PCDH7: variants seen among roughly 807,000 people sequenced by gnomAD.
PCDH7 encodes protocadherin-7.
A neutral mutation model predicts 58.9 loss-of-function variants in PCDH7; 17 were observed. That is an observed-to-expected ratio of 0.29 (90% CI 0.20 to 0.43). PCDH7 has a LOEUF of 0.43. PCDH7 is among the 20% of genes least tolerant of loss of function. The probability of loss-of-function intolerance (pLI) is 1.00; values close to 1 mark genes in which losing one functional copy is unlikely to be tolerated. For missense variants in PCDH7, 1,274 were observed against 1,441.0 expected (o/e 0.88, Z 1.88); for synonymous variants, 664 against 616.4 (o/e 1.08, Z -1.14).
rs576316643 is a variant in PCDH7 at position 31,013,710 on chromosome 4, G to A, written c.*7+63495G>A. Among the ~76,000 whole-genome samples the A allele has an allele frequency of 1.6e-4, 24 of 152,050 alleles. No individual in the cohort carries two copies. The East Asian group carries it at 4.6e-3, about 29-fold the overall frequency. On this transcript the variant is annotated intron_variant, in intron 3 of 3. Transcript: ENST00000509759. ...GACTTATTTTTCACATAAATGTTAT[G>A]TGTTTACTGTATATTTTACAATTGT...
intron 1 of PCDH7, among the ~76,000 whole-genome samples, chr4:30,802,868 G>T (rs1015750897): frequency 6.6e-6 from 1 of 152,126 alleles, no homozygotes; most frequent in Non-Finnish European, 1.5e-5. Context: ...GAGTCAATCA[G>T]CATGGTTATT....
At chr4:30,781,554 G>A (rs1050995913) in intron 1 of PCDH7, among the ~76,000 whole-genome samples, 13 of 99,288 alleles carry the variant, frequency 1.3e-4, no homozygotes, top group Non-Finnish European at 2.3e-4. Context: ...TTTTTTTTTT[G>A]AGACGAAGTT....
In PCDH7 at chr4:31,092,317, C is replaced by T. The variant is rs374036411; in HGVS notation, c.*8-50156C>T. ...ATTCAAAGAACCTGCTAGGGATAGA[C>T]GTTGGGGAAGGAAAAACTGAGGAAT... On this transcript the variant is annotated intron_variant, in intron 3 of 3. Transcript: ENST00000509759. 2.6e-5 allele frequency among the ~76,000 whole-genome samples: 4 copies of T among 151,914 alleles called. No homozygotes were observed. The East Asian group carries it at 5.8e-4, about 22-fold the overall frequency.
At chr4:30,958,440 A>G (rs772127060) in intron 3 of PCDH7, among the ~76,000 whole-genome samples, 22 of 152,020 alleles carry the variant, frequency 1.4e-4, no homozygotes, top group Non-Finnish European at 2.9e-4. Flanking sequence ...AGCAAAAGAA[A>G]TACACCCTTA....
chr4:31,068,348 A>C (rs762676815), intron 3 of PCDH7, among the ~76,000 whole-genome samples: 1 of 151,998 alleles, frequency 6.6e-6, no homozygotes, highest in African/African-American at 2.4e-5. Flanking sequence ...AAATAGAAAA[A>C]AAATCCATCG....
At position 30,873,851 on chromosome 4, in the gene PCDH7, ATTTG is replaced by A. The variant is rs1344520944; in HGVS notation, c.71-46298_71-46295del. Reference sequence around the variant, plus strand: ...GGCTTTTATTTATTTTTATTTATTTATTTGTTTATTTATTTATAATTTAAGGACT... The same window carrying A: ...GGCTTTTATTTATTTTTATTTATTTATTTATTTATTTATAATTTAAGGACT... On this transcript the variant is annotated intron_variant, in intron 1 of 3. Coordinates refer to the PCDH7 transcript ENST00000509759. 2.0e-4 allele frequency among the ~76,000 whole-genome samples: 30 copies of A among 151,852 alleles called. No individual in the cohort carries two copies. The East Asian group carries it at 4.7e-3, about 24-fold the overall frequency.
chr4:31,042,821 T>C (rs1755991477), intron 3 of PCDH7, among the ~76,000 whole-genome samples: 1 of 152,156 alleles, frequency 6.6e-6, no homozygotes, highest in African/African-American at 2.4e-5. Flanking sequence ...TTTGTTCCTT[T>C]AACAGAATAC....
At chr4:30,896,888 G>GTTTTTTTTTT (rs1411830166) in intron 1 of PCDH7, among the ~76,000 whole-genome samples, 2 of 17,368 alleles carry the variant, frequency 1.2e-4, no homozygotes, top group Admixed American at 6.0e-4. Flanking sequence ...CTAGTTCTTT[G>GTTTTTTTTTT]CTTTTTTTTT....
At chr4:31,115,899 T>C (rs1375854266) in intron 3 of PCDH7, among the ~76,000 whole-genome samples, 4 of 152,192 alleles carry the variant, frequency 2.6e-5, no homozygotes, top group Non-Finnish European at 5.9e-5. Context: ...AAAACCTCCA[T>C]TGTATCCAGA....
intron 3 of PCDH7, among the ~76,000 whole-genome samples, chr4:31,113,791 T>G (rs1349968095): frequency 1.3e-5 from 2 of 151,868 alleles, no homozygotes; most frequent in African/African-American, 2.4e-5. Flanking sequence ...TGTTAACATT[T>G]AATTTAGTTA....
At chr4:30,798,126 C>T (rs2109304094) in intron 1 of PCDH7, among the ~76,000 whole-genome samples, 1 of 152,274 alleles carries the variant, frequency 6.6e-6, no homozygotes, top group Non-Finnish European at 1.5e-5. Flanking sequence ...CAGGCAGCAT[C>T]ATATAAAATG....
intron 1 of PCDH7, among the ~76,000 whole-genome samples, chr4:30,865,334 A>G (rs1484841246): frequency 6.6e-6 from 1 of 152,048 alleles, no homozygotes; most frequent in African/African-American, 2.4e-5. Flanking sequence ...AGTGATCGAT[A>G]TTTATAGGAA....
At chr4:30,932,018 AT>A (rs1393829766) in intron 2 of PCDH7, among the ~76,000 whole-genome samples, 1 of 152,206 alleles carries the variant, frequency 6.6e-6, no homozygotes, top group Admixed American at 6.5e-5. Context: ...AATTAAAAGA[AT>A]ATGTGACTAA....
chr4:30,970,136 A>T (rs1424412972), intron 3 of PCDH7, among the ~76,000 whole-genome samples: 1 of 152,198 alleles, frequency 6.6e-6, no homozygotes, highest in African/African-American at 2.4e-5. Context: ...TGAATTATAA[A>T]TGGGTTTTTA....
At chr4:31,123,747 C>A (rs187674110) in intron 3 of PCDH7, among the ~76,000 whole-genome samples, 5 of 152,070 alleles carry the variant, frequency 3.3e-5, no homozygotes, top group African/African-American at 1.2e-4. Context: ...CCAGGTCCCA[C>A]GAACAGATTG....
At position 30,745,225 on chromosome 4, in the gene PCDH7, G is replaced by A. The variant is rs1034892075; in HGVS notation, c.70+20629G>A. Among the ~76,000 whole-genome samples, 3 of 147,774 alleles carry A rather than the reference G, an allele frequency of 2.0e-5. No homozygotes were observed. In the East Asian group the frequency reaches 5.9e-4, roughly 29 times the overall value. ...ATTATATTTTCCTAAAAACAGTCAC[G>A]TAATCTCATATTTTTACATCTTGTT... is the stretch of plus-strand genomic sequence containing the variant. On this transcript the variant is annotated intron_variant, in intron 1 of 3. Transcript: ENST00000509759.
At chr4:30,917,993 A>T (rs1410909819) in intron 1 of PCDH7, among the ~76,000 whole-genome samples, 7 of 152,088 alleles carry the variant, frequency 4.6e-5, no homozygotes, top group African/African-American at 1.7e-4. Context: ...TGTCTTATGT[A>T]TTTCTGTATT....
chr4:30,782,219 T>C (rs1039758752), intron 1 of PCDH7, among the ~76,000 whole-genome samples: 1 of 152,178 alleles, frequency 6.6e-6, no homozygotes. Flanking sequence ...TGCTTATTTT[T>C]TCTTAAACAT....
intron 1 of PCDH7, among the ~76,000 whole-genome samples, chr4:30,869,824 G>A (rs1228537718): frequency 6.6e-6 from 1 of 152,162 alleles, no homozygotes; most frequent in Non-Finnish European, 1.5e-5. Flanking sequence ...GGGTCAAACA[G>A]TAGTTCTGGT....
Sources: allele counts gnomAD v4.1 joint callset (sites outside exome capture counted in the v4.1 genomes callset), GRCh38; gene constraint gnomAD v4.1.1; transcripts MANE v1.5; gene names NCBI Gene and HGNC (gene_info 2026-07-23, HGNC 2026-07-21).